INPP5E: variants seen among roughly 807,000 people sequenced by gnomAD.
INPP5E encodes inositol polyphosphate-5-phosphatase E.
Under a neutral mutation model 50.5 loss-of-function variants are expected in INPP5E, and 34 were observed. That is an observed-to-expected ratio of 0.67 (90% confidence interval 0.51 to 0.90). INPP5E has a LOEUF of 0.90. Ranked by LOEUF, INPP5E falls within the 40% of genes least tolerant of loss-of-function variation. The pLI is 0.00. For synonymous variants in INPP5E, 447 were observed against 406.0 expected (o/e 1.10, Z -1.21); for missense variants, 942 against 905.5 (o/e 1.04, Z -0.52).
chr9:136,434,012 A>G (rs753974740), intron 3 of INPP5E, 25 bp downstream of exon 3: 2 of 1,550,586 alleles, frequency 1.3e-6, no homozygotes, highest in South Asian at 2.3e-5. Flanking sequence ...CTGGGCAGGC[A>G]CTGCAGGGCC....
Position 136,439,563 on chromosome 9 carries a change from G to T in INPP5E, c.-144C>A. ...TTGGGCCGGGGATGGTCGCGGAGGGGCGGGGGCGGCTGCCGCATGGCCCGG... is the reference window on the plus strand; with the variant it reads ...TTGGGCCGGGGATGGTCGCGGAGGGTCGGGGGCGGCTGCCGCATGGCCCGG... On this transcript the variant is annotated 5_prime_UTR_variant, in exon 1 of 10. Transcript: ENST00000371712. 1 of 523,578 alleles carries T rather than the reference G, an allele frequency of 1.9e-6. No homozygotes were observed. 32.4% of individuals were successfully genotyped at this position (523,578 alleles called of 1,614,324 possible).
At position 136,428,885 on chromosome 9, in the gene INPP5E, G is replaced by A. The variant is rs147885381; in HGVS notation, c.*790C>T. 18 of 152,584 alleles carry A rather than the reference G, an allele frequency of 1.2e-4. No individual in the cohort carries two copies. The highest frequency in any genetic ancestry group is 4.1e-4 in the South Asian group (2 of 4,828). The allele number at this position is 152,584 out of a possible 1,614,324, so 9.5% of individuals were successfully genotyped here. On this transcript the variant is annotated 3_prime_UTR_variant, in exon 10 of 10. Coordinates refer to ENST00000371712, the MANE Select transcript of INPP5E (RefSeq NM_019892.6). ...AGCCCGGTTCCACTAATGTCATTCCGCGGCTGGAGTTAAAGAAGCAAACGG... is the reference window on the plus strand; with the variant it reads ...AGCCCGGTTCCACTAATGTCATTCCACGGCTGGAGTTAAAGAAGCAAACGG...
Position 136,439,463 on chromosome 9 carries a change from AGC to A in INPP5E, c.-46_-45del. On this transcript the variant is annotated 5_prime_UTR_variant, in exon 1 of 10. Transcript: ENST00000371712. ...CAGGCCTCGGCGCGAGGCCGCAGGCAGCGCGAGGGGTCACGGGTGCCGGGTCC... is the reference window on the plus strand; with the variant it reads ...CAGGCCTCGGCGCGAGGCCGCAGGCAGCGAGGGGTCACGGGTGCCGGGTCC... 7.2e-7 allele frequency: 1 copy of A among 1,381,908 alleles called. No homozygotes were observed. The highest frequency in any genetic ancestry group is 9.5e-7 in the Non-Finnish European group (1 of 1,057,338). 85.6% of individuals were successfully genotyped at this position (1,381,908 alleles called of 1,614,324 possible). A position where few individuals can be genotyped will look rare whatever the true frequency, so the allele number is the denominator to read the frequency against.
chr9:136,432,695 AC>A, intron 5 of INPP5E, 109 bp from the exon 6 acceptor site: 1 of 918,602 alleles, frequency 1.1e-6, no homozygotes, highest in Non-Finnish European at 1.7e-6. Flanking sequence ...GGCAGACGCA[AC>A]CCCACCGGGC....
At chr9:136,430,445 GT>G (rs1461726921) in intron 8 of INPP5E, 32 bp from the exon 9 acceptor site, 1 of 1,552,180 alleles carries the variant, frequency 6.4e-7, no homozygotes, top group African/African-American at 1.4e-5. Context: ...AGGAGGTCCA[GT>G]TACTTGTGAG....
At chr9:136,430,467 G>A (rs1467675281) in intron 8 of INPP5E, 54 bp from the exon 9 acceptor site, 1 of 1,547,050 alleles carries the variant, frequency 6.5e-7, no homozygotes, top group Non-Finnish European at 8.7e-7. Flanking sequence ...GAGCCGTGGG[G>A]CGTGGCCCGC....
chr9:136,430,860 C>CT (rs1564431522), intron 8 of INPP5E, 142 bp downstream of exon 8: 2 of 696,410 alleles, frequency 2.9e-6, no homozygotes, highest in African/African-American at 3.5e-5. Flanking sequence ...CCAAAGGGGA[C>CT]TTGCCACAAG....
In INPP5E at chr9:136,432,507, G is replaced by A. The variant is rs35774078; in HGVS notation, c.1359C>T (p.Pro453=). 0.031 allele frequency: 48,554 copies of A among 1,550,870 alleles called. 1,311 individuals carry two copies. The highest frequency in any genetic ancestry group is 0.12 in the African/African-American group (8,430 of 73,242). Residue 453 remains proline, a synonymous_variant, in exon 6 of 10, where the codon CCC becomes CCT. Coordinates refer to ENST00000371712, the MANE Select transcript of INPP5E (RefSeq NM_019892.6). ...CGCTGGAGCGATAGGGGTTGGTGTC[G>A]GGCACATTTCTGGGCAGGACCAGGG... ...VQALVLPRNV[P]DTNPYRSSAA...
chr9:136,434,213 T>A, intron 2 of INPP5E, 79 bp from the exon 3 acceptor site: 1 of 975,662 alleles, frequency 1.0e-6, no homozygotes, highest in Non-Finnish European at 1.6e-6. Context: ...CTGCGGTGCC[T>A]TGAGTACCAG....
Position 136,431,771 on chromosome 9 carries a change from CAGG to C in INPP5E, c.1549+50_1549+52del. 24 of 529,928 alleles carry C rather than the reference CAGG, an allele frequency of 4.5e-5. 6 individuals are homozygous for C. Among genetic ancestry groups the C allele is most frequent in the Admixed American group, 1.0e-4 (3 of 29,550 alleles). 32.8% of individuals were successfully genotyped at this position (529,928 alleles called of 1,614,324 possible). On this transcript the variant is annotated intron_variant, in intron 7 of 9. Transcript: ENST00000371712. ...TCATCTCCCTCCACGCCCGCCCCCC[CAGG>C]CCCTCACCTCTCCTCATCTCCCTCC... is the stretch of plus-strand genomic sequence containing the variant.
chr9:136,438,855 G>T lies in INPP5E; in HGVS notation c.565C>A (p.Leu189Met). ...AGSSPRLPSLLPPRPPPALSL... is the reference protein window; with the variant it reads ...AGSSPRLPSLMPPRPPPALSL... ...AGGGCAGGCGGTGGGCGCGGGGGCA[G>T]CAGGCTGGGCAGCCTGGGCGAGCTC... The change falls in exon 1 of 10, where the codon CTG (leucine) becomes ATG (methionine). Residue 189 changes from leucine (L) to methionine (M), a missense_variant. Physicochemically the swap from Leu to Met is conservative, Grantham distance 15 (BLOSUM62 2). Transcript: ENST00000371712. 3 of 1,600,134 alleles carry T rather than the reference G, an allele frequency of 1.9e-6. No homozygotes were observed. The highest frequency in any genetic ancestry group is 2.6e-6 in the Non-Finnish European group (3 of 1,173,906).
At chr9:136,432,130 G>C in intron 6 of INPP5E, 145 bp from the exon 7 acceptor site, 2 of 998,602 alleles carry the variant, frequency 2.0e-6, no homozygotes, top group Non-Finnish European at 3.1e-6. Flanking sequence ...GGTGGGATTC[G>C]CACTGGGACA....
chr9:136,435,994 TAAC>T (rs1313137557), intron 1 of INPP5E: 1 of 152,246 alleles, frequency 6.6e-6, no homozygotes, highest in African/African-American at 2.4e-5. Context: ...CCTCTCTAAG[TAAC>T]ACTTGTGCGG....
At chr9:136,435,909 A>G (rs948029125) in intron 1 of INPP5E, 7 of 152,226 alleles carry the variant, frequency 4.6e-5, no homozygotes, top group African/African-American at 1.7e-4. Context: ...CCATTTGGAA[A>G]TGTAAAACCC....
At position 136,433,298 on chromosome 9, in the gene INPP5E, G is replaced by T; in HGVS notation, c.1035-19C>A. ...CTCCCGCCTGCAGAGGAGGAAGCACGGCCGGCTGGGGGACATGGCCTCCCA... is the reference window on the plus strand; with the variant it reads ...CTCCCGCCTGCAGAGGAGGAAGCACTGCCGGCTGGGGGACATGGCCTCCCA... On this transcript the variant is annotated intron_variant, in intron 3 of 9. Coordinates refer to ENST00000371712, the MANE Select transcript of INPP5E (RefSeq NM_019892.6). 6.4e-7 allele frequency: 1 copy of T among 1,565,186 alleles called. No individual in the cohort carries two copies. The highest frequency in any genetic ancestry group is 8.6e-7 in the Non-Finnish European group (1 of 1,161,982).
At position 136,433,082 on chromosome 9, in the gene INPP5E, G is replaced by C. The variant is rs774243606; in HGVS notation, c.1160-7C>G. 8 of 1,609,302 alleles carry C rather than the reference G, an allele frequency of 5.0e-6. No homozygotes were observed. The African/African-American group carries it at 1.1e-4, about 22-fold the overall frequency. On this transcript the variant is annotated splice_polypyrimidine_tract_variant and splice_region_variant and intron_variant, in intron 4 of 9. Transcript: ENST00000371712. Reference sequence around the variant, plus strand: ...ACCGTGGAGCACTCCACCTCTGTGGGAGGGGCAGCCCTCAGCTCACCTGTG... The same window carrying C: ...ACCGTGGAGCACTCCACCTCTGTGGCAGGGGCAGCCCTCAGCTCACCTGTG...
rs2131611280 is a variant in INPP5E at position 136,434,764 on chromosome 9, G to A, written c.912C>T (p.Ala304=). 3 of 1,611,514 alleles carry A rather than the reference G, an allele frequency of 1.9e-6. No individual in the cohort carries two copies. Among genetic ancestry groups the A allele is most frequent in the South Asian group, 1.1e-5 (1 of 90,886 alleles). ...CCTTCTGGCCCTGCATGTTCCAGGTGGCCACGAAGAGTGCCACGTTCCGGT... is the reference window on the plus strand; with the variant it reads ...CCTTCTGGCCCTGCATGTTCCAGGTAGCCACGAAGAGTGCCACGTTCCGGT... ...FPDRNVALFV[A]TWNMQGQKEL... The change falls in exon 2 of 10, where the codon GCC becomes GCT. Residue 304 remains alanine (A), a synonymous_variant. Coordinates refer to ENST00000371712, the MANE Select transcript of INPP5E (RefSeq NM_019892.6).
intron 2 of INPP5E, 129 bp from the exon 3 acceptor site, chr9:136,434,263 A>C (rs1835780032): frequency 1.4e-6 from 1 of 705,166 alleles, no homozygotes; most frequent in Non-Finnish European, 2.5e-6. Flanking sequence ...CCAGGGCCAA[A>C]AAGGGAGCTG....
chr9:136,435,075 CACCCCCTCCCT>C (rs1835800686), intron 1 of INPP5E, among the ~76,000 whole-genome samples: 1 of 152,244 alleles, frequency 6.6e-6, no homozygotes, highest in Non-Finnish European at 1.5e-5. Context: ...AGCGGGTTCA[CACCCCCTCCCT>C]ACCTCCCGGG....
Sources: gnomAD v4.1 joint callset for allele counts (sites outside exome capture counted in the v4.1 genomes callset) on GRCh38, gnomAD v4.1.1 for gene constraint, MANE v1.5 for transcripts, NCBI Gene and HGNC (gene_info 2026-07-23, HGNC 2026-07-21) for gene names.